FIBP: variants seen among roughly 807,000 people sequenced by gnomAD.
FIBP encodes the protein acidic fibroblast growth factor intracellular-binding protein.
A neutral mutation model predicts 40.5 loss-of-function variants in FIBP; 29 were observed. The ratio of observed to expected loss-of-function variants is 0.72; its 90% CI spans 0.53 to 0.98. The LOEUF is 0.98. Ranked by LOEUF, FIBP falls within the 50% of genes least tolerant of loss-of-function variation. The pLI, the probability that FIBP is intolerant of heterozygous loss-of-function variation, is 0.00. For synonymous variants in FIBP, 215 were observed against 191.1 expected (o/e 1.13, Z -1.03); for missense variants, 411 against 470.2 (o/e 0.87, Z 1.16).
intron 3 of FIBP, 97 bp downstream of exon 3, chr11:65,887,503 G>A: frequency 7.7e-7 from 1 of 1,296,470 alleles, no homozygotes; most frequent in Non-Finnish European, 1.1e-6. Flanking sequence ...TAGGTATGAA[G>A]CTGCTGCCAC....
At chr11:65,884,251 A>G in intron 9 of FIBP, 141 bp downstream of exon 9, 1 of 818,484 alleles carries the variant, frequency 1.2e-6, no homozygotes. Context: ...TCTAAGAGGG[A>G]GAGCCAGAGC....
Position 65,885,978 on chromosome 11 carries a change from G to A in FIBP, c.513-315C>T, listed in dbSNP as rs1860225353. The A allele has an allele frequency of 3.2e-5, 14 of 441,310 alleles. No homozygotes were observed. The South Asian group carries it at 3.3e-4, about 10-fold the overall frequency. 27.3% of individuals were successfully genotyped at this position (441,310 alleles called of 1,614,324 possible). ...TCAACAGCCCAGCTGGAAATCGCTG[G>A]ACTGTGCTTTGAATCCAGGTCAGTC... On this transcript the variant is annotated intron_variant, in intron 4 of 9. Coordinates refer to ENST00000357519, the MANE Select transcript of FIBP (RefSeq NM_004214.5).
chr11:65,886,314 C>T lies in FIBP; in HGVS notation c.512+8G>A. The T allele has an allele frequency of 1.2e-6, 2 of 1,602,740 alleles. No individual in the cohort carries two copies. Among genetic ancestry groups the T allele is most frequent in the Non-Finnish European group, 1.7e-6 (2 of 1,170,092 alleles). ...GTGTGCGGGATGGGGAGGTGGCTAG[C>T]TCCTCACCTGGCCAACCGGTCAGAG... On this transcript the variant is annotated splice_region_variant and intron_variant, in intron 4 of 9. Transcript: ENST00000357519.
At position 65,884,002 on chromosome 11, in the gene FIBP, C is replaced by T. The variant is rs1422114527; in HGVS notation, c.1046G>A (p.Gly349Asp). The change falls in exon 10 of 10, where the codon GGC becomes GAC. Residue 349 changes from glycine (G) to aspartate (D), a missense_variant. Gly to Asp is a moderately conservative substitution (Grantham distance 94). Transcript: ENST00000357519. ...LWDRYMGTLRGCLLRLYHD is the reference protein window; with the variant it reads ...LWDRYMGTLRDCLLRLYHD Reference sequence around the variant, plus strand: ...GTCATGATACAGGCGCAGGAGGCAGCCGCGGAGGGTGCCCATGTAGCGGTC... The same window carrying T: ...GTCATGATACAGGCGCAGGAGGCAGTCGCGGAGGGTGCCCATGTAGCGGTC... 1.2e-6 allele frequency: 2 copies of T among 1,613,834 alleles called. No homozygotes were observed. The highest frequency in any genetic ancestry group is 2.2e-5 in the South Asian group (2 of 91,016).
intron 5 of FIBP, 119 bp downstream of exon 5, chr11:65,885,411 G>A: frequency 7.9e-7 from 1 of 1,263,612 alleles, no homozygotes; most frequent in African/African-American, 1.5e-5. Flanking sequence ...GAGCCTGGGT[G>A]GGGGCCATGA....
Position 65,887,640 on chromosome 11 carries a change from C to G in FIBP, c.371G>C (p.Ser124Thr). The change falls in exon 3 of 10, where the codon AGC (serine) becomes ACC (threonine). Residue 124 changes from serine (S) to threonine (T), a missense_variant. Ser to Thr is a moderately conservative substitution (Grantham distance 58, BLOSUM62 1). Coordinates refer to ENST00000357519, the MANE Select transcript of FIBP (RefSeq NM_004214.5). ...CTTGAGGGTGATGCCTGTTTTGGTG[C>G]TGATGTCATCCAGGTCTTTCTTGGT... ...KGTKKDLDDISTKTGITLKSC... is the reference protein window; with the variant it reads ...KGTKKDLDDITTKTGITLKSC... 1 of 1,614,126 alleles carries G rather than the reference C, an allele frequency of 6.2e-7. No homozygotes were observed. Among genetic ancestry groups the G allele is most frequent in the Non-Finnish European group, 8.5e-7 (1 of 1,180,028 alleles).
chr11:65,887,384 T>G lies in FIBP; in HGVS notation c.411+216A>C, dbSNP rs1860263139. ...TTACCTGAACCCAGGAGGCGGAGGT[T>G]GCAGTGAGCTGAGGTCGCGCCACTG... is the stretch of plus-strand genomic sequence containing the variant. On this transcript the variant is annotated intron_variant, in intron 3 of 9. Coordinates refer to ENST00000357519, the MANE Select transcript of FIBP (RefSeq NM_004214.5). 8.7e-6 allele frequency: 5 copies of G among 572,254 alleles called. No individual in the cohort carries two copies. The Admixed American group carries it at 1.4e-4, about 16-fold the overall frequency. The allele number at this position is 572,254 out of a possible 1,614,324, so 35.4% of individuals were successfully genotyped here. A position where few individuals can be genotyped will look rare whatever the true frequency, so the allele number is the denominator to read the frequency against.
chr11:65,884,880 T>C (rs1591076103), intron 7 of FIBP, 55 bp downstream of exon 7: 1 of 1,597,334 alleles, frequency 6.3e-7, no homozygotes, highest in Non-Finnish European at 8.6e-7. Context: ...CCGGTAGGGG[T>C]GGCGAACTGG....
intron 5 of FIBP, 21 bp from the exon 6 acceptor site, chr11:65,885,207 T>TGGGGGG: frequency 3.4e-6 from 1 of 290,910 alleles, no homozygotes; most frequent in Admixed American, 4.3e-5. Context: ...ATGAAGGGGG[T>TGGGGGG]GGGGGTGGGT....
rs1238911725 is a variant in FIBP at position 65,883,981 on chromosome 11, T to C, written c.1067A>G (p.His356Arg). The C allele has an allele frequency of 6.8e-6, 11 of 1,613,800 alleles. No individual in the cohort carries two copies. The highest frequency in any genetic ancestry group is 2.7e-5 in the African/African-American group (2 of 74,904). ...TLRGCLLRLY[H>R]D The stretch of plus-strand genomic sequence containing the variant: ...GGAGCGTTGGGAGGCACCTCAGTCA[T>C]GATACAGGCGCAGGAGGCAGCCGCG... Residue 356 changes from histidine to arginine, a missense_variant, in exon 10 of 10, where the codon CAT becomes CGT. By Grantham distance (29) the His-to-Arg change is conservative. Transcript: ENST00000357519.
chr11:65,884,362 CAAG>C lies in FIBP; in HGVS notation c.1004+27_1004+29del, dbSNP rs746780051. On this transcript the variant is annotated intron_variant, in intron 9 of 9. Coordinates refer to ENST00000357519, the MANE Select transcript of FIBP (RefSeq NM_004214.5). ...GGCAGGTGGCAGGCTGGGGCAAAGC[CAAG>C]CTGGACAGGAGGACAGGGCTGCTCA... 2.1e-5 allele frequency: 33 copies of C among 1,603,900 alleles called. No individual in the cohort carries two copies. The Admixed American group carries it at 5.4e-4, about 26-fold the overall frequency.
intron 7 of FIBP, 111 bp from the exon 8 acceptor site, chr11:65,884,767 C>T (rs1591075948): frequency 5.3e-6 from 7 of 1,327,238 alleles, no homozygotes; most frequent in East Asian, 4.6e-5. Flanking sequence ...CCACCTCCCT[C>T]CATCAACCAA....
At chr11:65,884,887 C>T (rs150145567) in intron 7 of FIBP, 48 bp downstream of exon 7, 4 of 1,601,822 alleles carry the variant, frequency 2.5e-6, no homozygotes, top group Non-Finnish European at 3.4e-6. Flanking sequence ...GGGTGGCGAA[C>T]TGGAGGCTGA....
intron 4 of FIBP, 147 bp from the exon 5 acceptor site, chr11:65,885,810 ACCCTTCCCCATCT>A: frequency 1.3e-6 from 1 of 756,938 alleles, no homozygotes. Flanking sequence ...CTTCTCTATG[ACCCTTCCCCATCT>A]GTGCGAAGAG....
intron 9 of FIBP, 94 bp from the exon 10 acceptor site, chr11:65,884,137 G>T: frequency 9.7e-7 from 1 of 1,031,872 alleles, no homozygotes; most frequent in Non-Finnish European, 1.5e-6. Context: ...CATTCATTTT[G>T]CCCTTAGAAA....
intron 9 of FIBP, 167 bp downstream of exon 9, chr11:65,884,225 C>T: frequency 1.3e-6 from 1 of 762,794 alleles, no homozygotes; most frequent in Non-Finnish European, 2.2e-6. Context: ...AGAAACCTGC[C>T]CCAAATCACA....
At chr11:65,887,530 T>C (rs754568118) in intron 3 of FIBP, 70 bp downstream of exon 3, 6 of 1,546,648 alleles carry the variant, frequency 3.9e-6, no homozygotes, top group African/African-American at 1.4e-5. Context: ...AGGCTGGAAC[T>C]GGGCCAGTGG....
chr11:65,885,208 G>C (rs756076684), intron 5 of FIBP, 22 bp from the exon 6 acceptor site: 2 of 1,366,274 alleles, frequency 1.5e-6, no homozygotes, highest in Non-Finnish European at 2.1e-6. Flanking sequence ...TGAAGGGGGT[G>C]GGGGTGGGTG....
chr11:65,883,913 G>T lies in FIBP; in HGVS notation c.*61C>A. 6.8e-7 allele frequency: 1 copy of T among 1,474,278 alleles called. No individual in the cohort carries two copies. Among genetic ancestry groups the T allele is most frequent in the South Asian group, 1.2e-5 (1 of 86,052 alleles). 91.3% of individuals were successfully genotyped at this position (1,474,278 alleles called of 1,614,324 possible). ...CCCCCCACTTGCTCCCCGGAGCGAG[G>T]ACCAGTCTCCAAACTCAGAGCAACT... On this transcript the variant is annotated 3_prime_UTR_variant, in exon 10 of 10. Transcript: ENST00000357519.
Sources: gnomAD v4.1 joint callset for allele counts on GRCh38, gnomAD v4.1.1 for gene constraint, MANE v1.5 for transcripts, NCBI Gene and HGNC (gene_info 2026-07-23, HGNC 2026-07-21) for gene names.